Variants in AHCYL2 observed in about 807,000 individuals in gnomAD.
AHCYL2 encodes adenosylhomocysteinase like 2.
Under a neutral mutation model 81.4 loss-of-function variants are expected in AHCYL2, and 28 were observed. That is an observed-to-expected ratio of 0.34 (90% CI 0.25 to 0.47). The LOEUF is 0.47. AHCYL2 is among the 20% of genes least tolerant of loss of function. The pLI, the probability that AHCYL2 is intolerant of heterozygous loss-of-function variation, is 1.00. For synonymous variants in AHCYL2, 272 were observed against 290.2 expected (o/e 0.94, Z 0.64); for missense variants, 551 against 785.1 (o/e 0.70, Z 3.56).
At chr7:129,380,188 T>TCAAG (rs1364199463) in intron 2 of AHCYL2, among the ~76,000 whole-genome samples, 2 of 152,136 alleles carry the variant, frequency 1.3e-5, no homozygotes, top group Non-Finnish European at 2.9e-5. Context: ...TGTAGCTAGT[T>TCAAG]CAAGCAAGTG....
intron 1 of AHCYL2, among the ~76,000 whole-genome samples, chr7:129,372,596 T>C (rs1794462707): frequency 6.6e-6 from 1 of 151,920 alleles, no homozygotes; most frequent in South Asian, 2.1e-4. Context: ...TCACCTGAGG[T>C]CAGGAGTTCG....
chr7:129,247,699 T>G (rs1221628764), intron 1 of AHCYL2, among the ~76,000 whole-genome samples: 1 of 152,094 alleles, frequency 6.6e-6, no homozygotes, highest in African/African-American at 2.4e-5. Flanking sequence ...TTCCCTGGGC[T>G]CAGATGATTC....
intron 12 of AHCYL2, among the ~76,000 whole-genome samples, chr7:129,417,080 G>A (rs1796893176): frequency 6.6e-6 from 1 of 152,148 alleles, no homozygotes; most frequent in African/African-American, 2.4e-5. Flanking sequence ...AGCCAAAATC[G>A]TGCCAGTGCG....
At chr7:129,236,190 T>TTTTTAA (rs1460311184) in intron 1 of AHCYL2, among the ~76,000 whole-genome samples, 1 of 151,822 alleles carries the variant, frequency 6.6e-6, no homozygotes, top group Non-Finnish European at 1.5e-5. Context: ...GCCCAGCTAA[T>TTTTTAA]TTTTAATTTT....
At chr7:129,230,439 A>G (rs1462517885) in intron 1 of AHCYL2, among the ~76,000 whole-genome samples, 1 of 152,116 alleles carries the variant, frequency 6.6e-6, no homozygotes, top group African/African-American at 2.4e-5. Flanking sequence ...TTTATTGAAG[A>G]AACTGAGTGT....
chr7:129,412,646 C>T (rs917251929), intron 11 of AHCYL2, among the ~76,000 whole-genome samples: 6 of 152,140 alleles, frequency 3.9e-5, no homozygotes, highest in Non-Finnish European at 7.3e-5. Flanking sequence ...CATGTGCCTT[C>T]TAATTTCTCC....
intron 1 of AHCYL2, among the ~76,000 whole-genome samples, chr7:129,379,210 G>A (rs2150883779): frequency 6.6e-6 from 1 of 151,872 alleles, no homozygotes; most frequent in East Asian, 1.9e-4. Flanking sequence ...AACCCAGAAG[G>A]TGGAGGTTGC....
chr7:129,333,837 C>T (rs1798504808), intron 1 of AHCYL2, among the ~76,000 whole-genome samples: 1 of 152,194 alleles, frequency 6.6e-6, no homozygotes, highest in Non-Finnish European at 1.5e-5. Context: ...TGATAGTGAA[C>T]TTATGTGTAA....
intron 1 of AHCYL2, among the ~76,000 whole-genome samples, chr7:129,230,366 G>A (rs1794385414): frequency 6.6e-6 from 1 of 151,956 alleles, no homozygotes; most frequent in South Asian, 2.1e-4. Flanking sequence ...ACAGGCATGA[G>A]CCACCGCGCC....
chr7:129,299,366 CTTGTTTTTTT>C (rs1584758143), intron 1 of AHCYL2, among the ~76,000 whole-genome samples: 2 of 83,732 alleles, frequency 2.4e-5, no homozygotes, highest in African/African-American at 9.0e-5. Flanking sequence ...GAGAGTCCAA[CTTGTTTTTTT>C]TTTTTTTTTT....
intron 1 of AHCYL2, among the ~76,000 whole-genome samples, chr7:129,239,305 T>G (rs562076465): frequency 6.6e-6 from 1 of 152,224 alleles, no homozygotes; most frequent in Non-Finnish European, 1.5e-5. Context: ...TTGTGAGATA[T>G]GAACAATATC....
At chr7:129,280,820 A>G (rs1177512324) in intron 1 of AHCYL2, among the ~76,000 whole-genome samples, 2 of 150,960 alleles carry the variant, frequency 1.3e-5, no homozygotes, top group African/African-American at 2.4e-5. Context: ...TATTGAAATG[A>G]TCACATGATC....
At chr7:129,313,802 T>C (rs936228770) in intron 1 of AHCYL2, among the ~76,000 whole-genome samples, 11 of 152,224 alleles carry the variant, frequency 7.2e-5, no homozygotes, top group African/African-American at 2.7e-4. Context: ...AATACTTTCT[T>C]TTCCATTTTA....
intron 1 of AHCYL2, among the ~76,000 whole-genome samples, chr7:129,329,679 G>T (rs1170496445): frequency 6.6e-6 from 1 of 152,226 alleles, no homozygotes; most frequent in South Asian, 2.1e-4. Flanking sequence ...TTGGCAAGTT[G>T]CCTAATTTCT....
rs7806246 is a variant in AHCYL2, at chr7:129,325,068, G to A, written c.364-54570G>A. Among the ~76,000 whole-genome samples, 664 of 152,078 alleles carry A rather than the reference G, an allele frequency of 4.4e-3. 4 individuals carry two copies. Among genetic ancestry groups the A allele is most frequent in the African/African-American group, 0.015 (616 of 41,470 alleles). ...TTTATTTTTTTATAAAAACCTTCAA[G>A]GATATCTAAATAATTGTAAAAAATG... On this transcript the variant is annotated intron_variant, in intron 1 of 16. Coordinates refer to ENST00000325006, the MANE Select transcript of AHCYL2 (RefSeq NM_015328.4).
chr7:129,413,211 G>A lies in AHCYL2; in HGVS notation c.1367-383G>A, dbSNP rs186555824. On this transcript the variant is annotated intron_variant, in intron 11 of 16. Transcript: ENST00000325006. The stretch of plus-strand genomic sequence containing the variant: ...GGCTGGAGTGTGGTGGCACGATCTC[G>A]GCTCACTGCAAGCTCCACCTCCCGG... Among the ~76,000 whole-genome samples, 780 of 141,418 alleles carry A rather than the reference G, an allele frequency of 5.5e-3. 8 individuals are homozygous for A. Among genetic ancestry groups the A allele is most frequent in the African/African-American group, 0.02 (749 of 37,194 alleles). 92.8% of individuals were successfully genotyped at this position (141,418 alleles called of 152,430 possible). A position where few individuals can be genotyped will look rare whatever the true frequency, so the allele number is the denominator to read the frequency against.
chr7:129,392,770 C>G (rs899481382), intron 4 of AHCYL2, among the ~76,000 whole-genome samples: 19 of 152,338 alleles, frequency 1.2e-4, no homozygotes, highest in African/African-American at 4.6e-4. Context: ...ATTTTTCTAA[C>G]AAAAGAATCC....
At chr7:129,311,105 CA>C (rs56828305) in intron 1 of AHCYL2, among the ~76,000 whole-genome samples, 1,495 of 108,992 alleles carry the variant, frequency 0.014, 11 homozygotes, top group Non-Finnish European at 0.017. Context: ...AACCCTGTCT[CA>C]AAAAAAAAAA....
intron 1 of AHCYL2, among the ~76,000 whole-genome samples, chr7:129,277,747 G>A (rs77545497): frequency 0.015 from 2,210 of 152,222 alleles, 28 homozygotes; most frequent in Non-Finnish European, 0.022. Flanking sequence ...TCATTATTTC[G>A]AGATTTATTT....
Sources: allele counts gnomAD v4.1 joint callset (sites outside exome capture counted in the v4.1 genomes callset), GRCh38; gene constraint gnomAD v4.1.1; transcripts MANE v1.5; gene names NCBI Gene and HGNC (gene_info 2026-07-23, HGNC 2026-07-21).